ALG12: variants seen among roughly 807,000 people sequenced by gnomAD.
ALG12 encodes the protein dol-P-Man:Man(7)GlcNAc(2)-PP-Dol alpha-1,6-mannosyltransferase.
ALG12 carries 36 observed loss-of-function variants against 46.0 expected under a neutral mutation model. That is an observed-to-expected ratio of 0.78 (90% confidence interval 0.60 to 1.03). The LOEUF (loss-of-function observed/expected upper bound fraction) is 1.03, where lower values mean the gene tolerates loss of function less well. Among genes scored for constraint, ALG12 ranks in the 50% least tolerant of loss-of-function variants. ALG12 has a pLI of 0.00. For synonymous variants in ALG12, 326 were observed against 291.6 expected, an observed-to-expected ratio of 1.12 and a Z score of -1.20; for missense variants, 599 against 633.5, an observed-to-expected ratio of 0.95 and a Z score of 0.58.
intron 3 of ALG12, among the ~76,000 whole-genome samples, chr22:49,911,586 C>A (rs950177233): frequency 4.6e-5 from 7 of 152,142 alleles, no homozygotes; most frequent in Admixed American, 3.3e-4. Context: ...AGGCGCATGC[C>A]AACACGCCCG....
chr22:49,905,196 G>A lies in ALG12; in HGVS notation c.993-690C>T, dbSNP rs7286641. Reference sequence around the variant, plus strand: ...GCCAATCTCAGGATCCTACGGCAGAGTTAGCAGCTGCCACAGACAGTGTGG... The same window carrying A: ...GCCAATCTCAGGATCCTACGGCAGAATTAGCAGCTGCCACAGACAGTGTGG... On this transcript the variant is annotated intron_variant, in intron 7 of 9. Coordinates refer to ENST00000330817, the MANE Select transcript of ALG12 (RefSeq NM_024105.4). The surrounding 1 kb of genome is among the most constrained non-coding windows in gnomAD (Gnocchi z 4.9). Among the ~76,000 whole-genome samples, 8,574 of 152,238 alleles carry A rather than the reference G, an allele frequency of 0.056. 646 individuals carry two copies. Among genetic ancestry groups the A allele is most frequent in the African/African-American group, 0.17 (7,153 of 41,536 alleles).
At chr22:49,867,037 G>A in the ALG12 span, among the ~76,000 whole-genome samples, 1 of 152,152 alleles carries the variant, frequency 6.6e-6, no homozygotes, top group African/African-American at 2.4e-5. Flanking sequence ...ACACAGGTAT[G>A]TAGAGCTTTC....
intron 1 of ALG12, among the ~76,000 whole-genome samples, chr22:49,916,958 A>G (rs981472975): frequency 1.1e-4 from 17 of 152,196 alleles, no homozygotes; most frequent in African/African-American, 4.1e-4. Flanking sequence ...TTACGTGCTG[A>G]CTCTGACACT....
chr22:49,885,393 C>T, the ALG12 span: 10 of 1,597,804 alleles, frequency 6.3e-6, no homozygotes, highest in East Asian at 4.5e-5. Context: ...CCACAAAAGT[C>T]GTGTGCTTGC....
At chr22:49,917,045 G>A (rs1434203273) in intron 1 of ALG12, among the ~76,000 whole-genome samples, 1 of 152,202 alleles carries the variant, frequency 6.6e-6, no homozygotes, top group Non-Finnish European at 1.5e-5. Flanking sequence ...TCACTTTCGA[G>A]GGCATGAGAA....
At chr22:49,881,620 G>A in the ALG12 span, among the ~76,000 whole-genome samples, 2 of 152,128 alleles carry the variant, frequency 1.3e-5, no homozygotes, top group East Asian at 1.9e-4. Flanking sequence ...TCAAGTGATC[G>A]TCCCATCTCA....
rs1397166428 is a variant in ALG12 at position 49,903,526 on chromosome 22, C to G, written c.*312G>C. 1.8e-6 allele frequency: 1 copy of G among 556,786 alleles called. No homozygotes were observed. The highest frequency in any genetic ancestry group is 1.5e-5 in the South Asian group (1 of 65,440). The allele number at this position is 556,786 out of a possible 1,614,324, so 34.5% of individuals were successfully genotyped here. On this transcript the variant is annotated 3_prime_UTR_variant, in exon 10 of 10. Coordinates refer to ENST00000330817, the MANE Select transcript of ALG12 (RefSeq NM_024105.4). ...CAGGTGCCTGGGTGAGCCCGCTGCT[C>G]CTGATTAGTCATGAATGGCACCTGG...
At chr22:49,886,628 T>C in the ALG12 span, 1 of 1,584,294 alleles carries the variant, frequency 6.3e-7, no homozygotes, top group Non-Finnish European at 8.6e-7. This position sits in a 1 kb window ranked among gnomAD's most constrained non-coding sequence, Gnocchi z 7.7. Context: ...AAGGAGGCCA[T>C]GGTGAGCCGC....
At chr22:49,886,276 G>A in the ALG12 span, 13 of 1,377,182 alleles carry the variant, frequency 9.4e-6, no homozygotes, top group South Asian at 5.1e-5. The surrounding 1 kb of genome is among the most constrained non-coding windows in gnomAD (Gnocchi z 7.7). Flanking sequence ...GAAACTGGCC[G>A]AGCTGCAGAG....
At chr22:49,895,701 T>C (rs1180268513), downstream of ALG12, among the ~76,000 whole-genome samples, 1 of 152,042 alleles carries the variant, frequency 6.6e-6, no homozygotes, top group Non-Finnish European at 1.5e-5. Flanking sequence ...TTTGTATCCT[T>C]GAGGGAAGAC....
chr22:49,906,914 A>G lies in ALG12; in HGVS notation c.992+807T>C, dbSNP rs9627789. Among the ~76,000 whole-genome samples the G allele has an allele frequency of 0.27, 41,590 of 151,930 alleles. 7,016 individuals are homozygous for G. Among genetic ancestry groups the G allele is most frequent in the African/African-American group, 0.48 (19,921 of 41,394 alleles). On this transcript the variant is annotated intron_variant, in intron 7 of 9. Transcript: ENST00000330817. This position sits in a 1 kb window ranked among gnomAD's most constrained non-coding sequence, Gnocchi z 4.4. ...ACTCTCCTGGCTCCCTGAGGCTTGC[A>G]ACACTGAGTGGCAGCCGCGCTCAGA...
chr22:49,870,278 G>C, the ALG12 span, among the ~76,000 whole-genome samples: 1 of 152,196 alleles, frequency 6.6e-6, no homozygotes, highest in South Asian at 2.1e-4. Context: ...ATAGTGCTGT[G>C]ATGAACATAC....
the ALG12 span, among the ~76,000 whole-genome samples, chr22:49,860,835 G>T: frequency 6.7e-6 from 1 of 148,958 alleles, no homozygotes; most frequent in Non-Finnish European, 1.5e-5. Flanking sequence ...CTGGAGTGCA[G>T]TGGCTCGATC....
At position 49,910,462 on chromosome 22, in the gene ALG12, T is replaced by G; in HGVS notation, c.441A>C (p.Thr147=). The change falls in exon 4 of 10, where the codon ACA becomes ACC. Residue 147 remains threonine, a synonymous_variant. Transcript: ENST00000330817. ...CAGGCAGGGCCAGCACATTGGGCAG[T>G]GTCCGCGTGCAGTAGAACATCAGGT... ...QFHLMFYCTR[T]LPNVLALPVV... The G allele has an allele frequency of 6.2e-7, 1 of 1,613,694 alleles. No individual in the cohort carries two copies. Among genetic ancestry groups the G allele is most frequent in the Non-Finnish European group, 8.5e-7 (1 of 1,180,016 alleles).
chr22:49,890,087 C>T, the ALG12 span: 7 of 157,816 alleles, frequency 4.4e-5, no homozygotes, highest in African/African-American at 1.7e-4. Flanking sequence ...GGCACAGTGG[C>T]TTATGTTTGT....
At chr22:49,909,560 T>C (rs908882805) in intron 5 of ALG12, among the ~76,000 whole-genome samples, 1 of 151,858 alleles carries the variant, frequency 6.6e-6, no homozygotes, top group African/African-American at 2.4e-5. Context: ...AGCAAGACTA[T>C]CTCTAAAACA....
chr22:49,864,546 G>A, the ALG12 span, among the ~76,000 whole-genome samples: 1 of 152,198 alleles, frequency 6.6e-6, no homozygotes, highest in African/African-American at 2.4e-5. Flanking sequence ...CCTGGGCATG[G>A]TGGCTTACGC....
At chr22:49,860,460 T>A in the ALG12 span, among the ~76,000 whole-genome samples, 2 of 152,258 alleles carry the variant, frequency 1.3e-5, no homozygotes, top group African/African-American at 4.8e-5. Context: ...ATACCACTCC[T>A]GTAAGAAAAC....
At chr22:49,883,509 C>T in the ALG12 span, 2 of 1,072,440 alleles carry the variant, frequency 1.9e-6, no homozygotes, top group Non-Finnish European at 2.6e-6. Context: ...TTCTTTTTTT[C>T]AGTACTATTT....
Sources: allele counts gnomAD v4.1 joint callset (sites outside exome capture counted in the v4.1 genomes callset), GRCh38; gene constraint gnomAD v4.1.1; non-coding constraint Gnocchi (gnomAD v3.1); transcripts MANE v1.5; gene names NCBI Gene and HGNC (gene_info 2026-07-23, HGNC 2026-07-21).